The following EXOG variants were observed in gnomAD, a reference collection of about 807,000 sequenced individuals.
EXOG encodes the protein nuclease EXOG, mitochondrial.
In EXOG, 27 loss-of-function variants were observed where a neutral mutation model predicts 25.8. The observed-to-expected ratio is 1.05, with a 90% CI of 0.77 to 1.45. The LOEUF (loss-of-function observed/expected upper bound fraction) is 1.45, where lower values mean the gene tolerates loss of function less well. EXOG is among the 40% of genes most tolerant of loss of function. EXOG has a pLI of 0.00. For missense variants in EXOG, 458 were observed against 450.5 expected, an observed-to-expected ratio of 1.02 and a Z score of -0.15; for synonymous variants, 133 against 167.0, an observed-to-expected ratio of 0.80 and a Z score of 1.57.
At chr3:38,502,756 C>T (rs2060085495) in intron 3 of EXOG, among the ~76,000 whole-genome samples, 2 of 152,156 alleles carry the variant, frequency 1.3e-5, no homozygotes, top group Admixed American at 6.5e-5. Flanking sequence ...TCATGAATCA[C>T]ACATTACATT....
At chr3:38,517,072 T>G (rs944436205) in intron 5 of EXOG, among the ~76,000 whole-genome samples, 91 of 152,374 alleles carry the variant, frequency 6.0e-4, no homozygotes, top group African/African-American at 2.1e-3. Context: ...GGAAATACTT[T>G]GAGGCGATGT....
chr3:38,520,448 A>G (rs559588691), intron 5 of EXOG, among the ~76,000 whole-genome samples: 188 of 152,310 alleles, frequency 1.2e-3, no homozygotes, highest in Non-Finnish European at 2.5e-3. Context: ...CTTACATGAA[A>G]AGGGTTGTTT....
chr3:38,502,066 G>T (rs184408566), intron 3 of EXOG, among the ~76,000 whole-genome samples: 1 of 152,048 alleles, frequency 6.6e-6, no homozygotes, highest in African/African-American at 2.4e-5. Flanking sequence ...GGGATTACAG[G>T]TTCCCGCCAC....
rs768412763 is a variant in EXOG, at chr3:38,524,109, A to T, written c.854A>T (p.Asp285Val). 1 of 1,614,084 alleles carries T rather than the reference A, an allele frequency of 6.2e-7. No individual in the cohort carries two copies. The highest frequency in any genetic ancestry group is 1.1e-5 in the South Asian group (1 of 91,076). The stretch of plus-strand genomic sequence containing the variant: ...GGACTGGTGTTTTTTCCTCATTTGG[A>T]TAGAACTAGTGATATCCGGAATATC... Reference protein sequence around the residue: ...LSGLVFFPHLDRTSDIRNICS... With the variant: ...LSGLVFFPHLVRTSDIRNICS... Residue 285 changes from aspartate to valine, a missense_variant, in exon 6 of 6, where the codon GAT becomes GTT. Physicochemically the swap from Asp to Val is radical, Grantham distance 152. This residue lies in a region of EXOG where 178 missense variants were observed against 203.7 expected (regional missense o/e 0.87). Transcript: ENST00000287675.
rs2060831092 is a variant in EXOG, at chr3:38,524,717, A to G, written c.*355A>G. 2.0e-6 allele frequency: 2 copies of G among 1,003,168 alleles called. No homozygotes were observed. Among genetic ancestry groups the G allele is most frequent in the Non-Finnish European group, 2.4e-6 (2 of 841,700 alleles). The allele number at this position is 1,003,168 out of a possible 1,614,324, so 62.1% of individuals were successfully genotyped here. A position where few individuals can be genotyped will look rare whatever the true frequency, so the allele number is the denominator to read the frequency against. On this transcript the variant is annotated 3_prime_UTR_variant, in exon 6 of 6. Coordinates refer to ENST00000287675, the MANE Select transcript of EXOG (RefSeq NM_005107.4). ...GATCTACAATGTTTTTGTCAGTATT[A>G]TATTTGACTCAGGAACTAATTATTA...
chr3:38,500,057 T>G (rs1284378164), intron 2 of EXOG: 1 of 168,916 alleles, frequency 5.9e-6, no homozygotes, highest in Non-Finnish European at 1.3e-5. Flanking sequence ...CAGGGAAGAG[T>G]GAACTAGAAC....
At position 38,497,712 on chromosome 3, in the gene EXOG, T is replaced by C; in HGVS notation, c.247T>C (p.Ser83Pro). ...AAGGTGTTACACTAATCACGCTTTGTCTTATGATCAGGCAAAGCGGGTGCC... is the reference window on the plus strand; with the variant it reads ...AAGGTGTTACACTAATCACGCTTTGCCTTATGATCAGGCAAAGCGGGTGCC... ...EARCYTNHALSYDQAKRVPRW... is the reference protein window; with the variant it reads ...EARCYTNHALPYDQAKRVPRW... Residue 83 changes from serine to proline, a missense_variant, in exon 2 of 6, where the codon TCT becomes CCT. Around this residue, in one of 3 missense-constraint regions of EXOG, gnomAD observed 275 missense variants for 230.5 expected, o/e 1.19. Transcript: ENST00000287675. 1 of 1,610,750 alleles carries C rather than the reference T, an allele frequency of 6.2e-7. No individual in the cohort carries two copies. The highest frequency in any genetic ancestry group is 8.5e-7 in the Non-Finnish European group (1 of 1,179,296).
At chr3:38,497,121 G>A in intron 1 of EXOG, 9 of 1,003,408 alleles carry the variant, frequency 9.0e-6, no homozygotes, top group Non-Finnish European at 9.5e-6. Context: ...TGTACTTTGC[G>A]GATGTGCTAA....
chr3:38,523,872 C>T (rs747208634), intron 5 of EXOG, 29 bp from the exon 6 acceptor site: 1 of 1,490,472 alleles, frequency 6.7e-7, no homozygotes. Context: ...CACAAATTGG[C>T]ATCACTAATA....
At chr3:38,505,079 A>C (rs1458861827) in intron 4 of EXOG, among the ~76,000 whole-genome samples, 1 of 152,224 alleles carries the variant, frequency 6.6e-6, no homozygotes, top group Non-Finnish European at 1.5e-5. Flanking sequence ...ATATAACCAC[A>C]GTATTATTAA....
In EXOG at chr3:38,509,788, G is replaced by A. The variant is rs571063242; in HGVS notation, c.645+2820G>A. Among the ~76,000 whole-genome samples, 18 of 152,230 alleles carry A rather than the reference G, an allele frequency of 1.2e-4. No individual in the cohort carries two copies. In the South Asian group the frequency reaches 3.5e-3, roughly 30 times the overall value. On this transcript the variant is annotated intron_variant, in intron 5 of 5. Transcript: ENST00000287675. The stretch of plus-strand genomic sequence containing the variant: ...ATTATAAACCTATTGAATTAAATAA[G>A]AATACATACTCAATAAATATGTAAA...
intron 3 of EXOG, among the ~76,000 whole-genome samples, chr3:38,501,898 A>G (rs2060056954): frequency 6.6e-6 from 1 of 152,050 alleles, no homozygotes; most frequent in South Asian, 2.1e-4. Flanking sequence ...GGGGTGCGTC[A>G]CCATGCTCAG....
At position 38,524,766 on chromosome 3, in the gene EXOG, G is replaced by GCCTCCATCT; in HGVS notation, c.*404_*405insCCTCCATCT. 2.0e-5 allele frequency: 20 copies of GCCTCCATCT among 990,388 alleles called. No individual in the cohort carries two copies. The highest frequency in any genetic ancestry group is 2.4e-5 in the Non-Finnish European group (20 of 833,372). 61.4% of individuals were successfully genotyped at this position (990,388 alleles called of 1,614,324 possible). On this transcript the variant is annotated 3_prime_UTR_variant, in exon 6 of 6. Transcript: ENST00000287675. ...TAAGGGAGCTTTGACACCTGCAGAT[G>GCCTCCATCT]GAGGGCTGATCTTGTGTCAAGTTAA...
chr3:38,515,807 C>A, intron 5 of EXOG: 1 of 154,182 alleles, frequency 6.5e-6, no homozygotes, highest in South Asian at 1.8e-4. Flanking sequence ...CAGGCAAGTT[C>A]GTGTCTAGCT....
intron 5 of EXOG, chr3:38,513,807 C>T (rs1160637845): frequency 6.6e-6 from 1 of 152,128 alleles, no homozygotes; most frequent in African/African-American, 2.4e-5. Flanking sequence ...TCTGATACAG[C>T]ATTAAACAAG....
chr3:38,498,029 C>T (rs186433826), intron 2 of EXOG: 2 of 414,842 alleles, frequency 4.8e-6, no homozygotes, highest in East Asian at 5.2e-5. Flanking sequence ...ATAAATATTA[C>T]AGCAATGAGC....
intron 5 of EXOG, among the ~76,000 whole-genome samples, chr3:38,509,029 T>G (rs2060290151): frequency 6.6e-6 from 1 of 152,234 alleles, no homozygotes; most frequent in African/African-American, 2.4e-5. Context: ...CCTCCCATAT[T>G]AATTTCTCTC....
At position 38,499,888 on chromosome 3, in the gene EXOG, G is replaced by C. The variant is rs527672136; in HGVS notation, c.314-1467G>C. The C allele has an allele frequency of 3.5e-4, 121 of 348,042 alleles. 1 individual carries two copies. Among genetic ancestry groups the C allele is most frequent in the South Asian group, 2.6e-3 (117 of 45,154 alleles). 21.6% of individuals were successfully genotyped at this position (348,042 alleles called of 1,614,324 possible). ...AATCCAAAGAGGTAAGCGCAGTCTT[G>C]GCAAACCAAAACCACATTTGCCTTT... On this transcript the variant is annotated intron_variant, in intron 2 of 5. Transcript: ENST00000287675.
intron 5 of EXOG, among the ~76,000 whole-genome samples, chr3:38,520,072 G>A: frequency 6.6e-6 from 1 of 152,078 alleles, no homozygotes; most frequent in East Asian, 1.9e-4. Context: ...AATTCTAGCA[G>A]GTACATATTT....
Sources: allele counts gnomAD v4.1 joint callset (sites outside exome capture counted in the v4.1 genomes callset), GRCh38; gene constraint gnomAD v4.1.1; regional missense constraint gnomAD v4.1.1; transcripts MANE v1.5; gene names NCBI Gene and HGNC (gene_info 2026-07-23, HGNC 2026-07-21).